Variants in TRAM2 observed in about 807,000 individuals in gnomAD.
The protein encoded by TRAM2 is translocation associated membrane protein 2.
A neutral mutation model predicts 51.0 loss-of-function variants in TRAM2; 12 were observed. That is an observed-to-expected ratio of 0.24 (90% CI 0.15 to 0.38). The LOEUF (loss-of-function observed/expected upper bound fraction) is 0.38. TRAM2 is among the 10% of genes least tolerant of loss of function. The pLI is 1.00. For synonymous variants in TRAM2, 175 were observed against 179.4 expected (o/e 0.98, Z 0.20); for missense variants, 361 against 462.0 (o/e 0.78, Z 2.00).
At chr6:52,509,462 C>A (rs1766411007) in intron 5 of TRAM2, 66 bp downstream of exon 5, 7 of 1,534,522 alleles carry the variant, frequency 4.6e-6, no homozygotes, top group Admixed American at 3.4e-5. Flanking sequence ...TGGCCACACT[C>A]CGCTGGGACA....
chr6:52,503,046 G>A lies in TRAM2; in HGVS notation c.*151C>T. On this transcript the variant is annotated 3_prime_UTR_variant, in exon 11 of 11. Transcript: ENST00000182527. ...TAAGAGGAAGCCAAGAAGAAGGAAA[G>A]CGAAACGCCCCCTCCCCCCATTGCA... 1.4e-6 allele frequency: 1 copy of A among 694,862 alleles called. No homozygotes were observed. The highest frequency in any genetic ancestry group is 1.7e-5 in the South Asian group (1 of 58,630). The allele number at this position is 694,862 out of a possible 1,614,324, so 43.0% of individuals were successfully genotyped here.
chr6:52,505,999 C>A, intron 8 of TRAM2, 33 bp downstream of exon 8: 1 of 1,609,606 alleles, frequency 6.2e-7, no homozygotes. Context: ...GCCCAGGCCT[C>A]TAAGCGGGCC....
At chr6:52,506,177 G>A (rs1562474599) in intron 7 of TRAM2, 41 bp from the exon 8 acceptor site, 1 of 1,574,148 alleles carries the variant, frequency 6.4e-7, no homozygotes, top group Non-Finnish European at 8.7e-7. Flanking sequence ...CCTCCAAGAT[G>A]CTGCGTGGAG....
intron 2 of TRAM2, among the ~76,000 whole-genome samples, chr6:52,520,560 A>G (rs941386278): frequency 6.6e-6 from 1 of 152,232 alleles, no homozygotes; most frequent in African/African-American, 2.4e-5. Flanking sequence ...CCTATATTCT[A>G]TAGCCTCTTT....
chr6:52,520,324 G>A (rs1196110832), intron 2 of TRAM2, among the ~76,000 whole-genome samples: 1 of 152,212 alleles, frequency 6.6e-6, no homozygotes, highest in East Asian at 1.9e-4. Flanking sequence ...AGAGCTACTG[G>A]AGGATTTTCG....
chr6:52,550,330 G>A (rs138533245), intron 1 of TRAM2, among the ~76,000 whole-genome samples: 7 of 152,060 alleles, frequency 4.6e-5, no homozygotes, highest in African/African-American at 1.4e-4. Context: ...CCCCACGTTC[G>A]CAAGCCTTAG....
chr6:52,522,200 C>T (rs574779340), intron 2 of TRAM2, among the ~76,000 whole-genome samples: 6 of 152,330 alleles, frequency 3.9e-5, no homozygotes, highest in Middle Eastern at 3.4e-3. Context: ...AATAAATACA[C>T]GTTAAAACTG....
chr6:52,505,458 T>C, intron 9 of TRAM2, 141 bp downstream of exon 9: 1 of 1,214,654 alleles, frequency 8.2e-7, no homozygotes, highest in Non-Finnish European at 1.1e-6. Context: ...TCTTCTCCCC[T>C]CAGGCCTGAT....
chr6:52,545,724 G>A (rs570807301), intron 1 of TRAM2, among the ~76,000 whole-genome samples: 1 of 151,056 alleles, frequency 6.6e-6, no homozygotes, highest in East Asian at 2.0e-4. Flanking sequence ...CTCTGACCAA[G>A]CTCCGGAAAA....
chr6:52,505,362 T>G (rs1766328371), intron 9 of TRAM2, among the ~76,000 whole-genome samples: 1 of 152,118 alleles, frequency 6.6e-6, no homozygotes, highest in Admixed American at 6.5e-5. Context: ...GCCAGACAAA[T>G]GTAAGGGATT....
intron 2 of TRAM2, chr6:52,522,747 G>A: frequency 1.7e-6 from 1 of 595,326 alleles, no homozygotes; most frequent in South Asian, 2.1e-5. Context: ...ACAGTTTAAA[G>A]AGAGACCTGA....
chr6:52,541,000 A>G (rs942962671), intron 1 of TRAM2, among the ~76,000 whole-genome samples: 1 of 152,238 alleles, frequency 6.6e-6, no homozygotes, highest in Non-Finnish European at 1.5e-5. Flanking sequence ...AAAGGCCTTG[A>G]GCATGCTTGT....
rs1767781687 is a variant in TRAM2, at chr6:52,576,992, C to G, written c.-77G>C. 10 of 1,334,248 alleles carry G rather than the reference C, an allele frequency of 7.5e-6. No individual in the cohort carries two copies. In the South Asian group the frequency reaches 1.9e-4, roughly 25 times the overall value. 82.7% of individuals were successfully genotyped at this position (1,334,248 alleles called of 1,614,324 possible). ...GCAGCGCAAACTTCTCCAGCACCGG[C>G]CCGGTCCGCCCGCCGGCCCGCCGCC... On this transcript the variant is annotated 5_prime_UTR_variant, in exon 1 of 11. Transcript: ENST00000182527.
At chr6:52,505,780 C>A in intron 8 of TRAM2, 38 bp from the exon 9 acceptor site, 1 of 1,569,604 alleles carries the variant, frequency 6.4e-7, no homozygotes, top group Non-Finnish European at 8.6e-7. Context: ...CAGTCTTTAG[C>A]GCCCTTGAAG....
At chr6:52,562,006 TTTAAAAATCAC>T in intron 1 of TRAM2, among the ~76,000 whole-genome samples, 1 of 49,104 alleles carries the variant, frequency 2.0e-5, no homozygotes. Flanking sequence ...TATCATACAC[TTTAAAAATCAC>T]TGTATCATAC....
Position 52,501,305 on chromosome 6 carries a change from G to A in TRAM2, c.*1892C>T, listed in dbSNP as rs1766217269. The A allele has an allele frequency of 6.6e-6, 1 of 152,156 alleles. No homozygotes were observed. Among genetic ancestry groups the A allele is most frequent in the Admixed American group, 6.5e-5 (1 of 15,280 alleles). 9.4% of individuals were successfully genotyped at this position (152,156 alleles called of 1,614,324 possible). ...GTAGAGAGGGATGAAGGCCTCCAAT[G>A]GCGTTAGGAAACAAATCCCTCAGTT... On this transcript the variant is annotated 3_prime_UTR_variant, in exon 11 of 11. Coordinates refer to ENST00000182527, the MANE Select transcript of TRAM2 (RefSeq NM_012288.4).
At chr6:52,571,630 G>A (rs907214929) in intron 1 of TRAM2, among the ~76,000 whole-genome samples, 5 of 152,236 alleles carry the variant, frequency 3.3e-5, no homozygotes, top group Admixed American at 1.3e-4. Flanking sequence ...AGAGAAAACA[G>A]GTGTTCTCCA....
rs139282594 is a variant in TRAM2, at chr6:52,571,001, T to TAA, written c.120+5793_120+5794dup. On this transcript the variant is annotated intron_variant, in intron 1 of 10. Coordinates refer to ENST00000182527, the MANE Select transcript of TRAM2 (RefSeq NM_012288.4). ...TACCAAGTCTAAGTAATAGAATGTATAAAAGATAAAGGTCTGTTTGTGAGA... is the reference window on the plus strand; with the variant it reads ...TACCAAGTCTAAGTAATAGAATGTATAAAAAAGATAAAGGTCTGTTTGTGAGA... Among the ~76,000 whole-genome samples, 861 of 152,224 alleles carry TAA rather than the reference T, an allele frequency of 5.7e-3. 3 individuals carry two copies. Among genetic ancestry groups the TAA allele is most frequent in the South Asian group, 0.012 (60 of 4,810 alleles).
chr6:52,574,075 C>T (rs1767724196), intron 1 of TRAM2, among the ~76,000 whole-genome samples: 1 of 152,206 alleles, frequency 6.6e-6, no homozygotes. Context: ...CCTGCCGTCA[C>T]TTCTAGGAAA....
Sources: gnomAD v4.1 joint callset for allele counts (sites outside exome capture counted in the v4.1 genomes callset) on GRCh38, gnomAD v4.1.1 for gene constraint, MANE v1.5 for transcripts, NCBI Gene and HGNC (gene_info 2026-07-23, HGNC 2026-07-21) for gene names.